The following PRIMA1 variants were observed in gnomAD, a reference collection of about 807,000 sequenced individuals.
PRIMA1 encodes proline rich membrane anchor 1.
In PRIMA1, 7 loss-of-function variants were observed where a neutral mutation model predicts 17.5. The ratio of observed to expected loss-of-function variants is 0.40; its 90% CI spans 0.23 to 0.75. The LOEUF is 0.75. Among genes scored for constraint, PRIMA1 ranks in the 30% least tolerant of loss-of-function variants. The pLI, the probability that PRIMA1 is intolerant of heterozygous loss-of-function variation, is 0.37. For synonymous variants in PRIMA1, 97 were observed against 77.9 expected, an observed-to-expected ratio of 1.25 and a Z score of -1.29; for missense variants, 200 against 201.8, an observed-to-expected ratio of 0.99 and a Z score of 0.05.
intron 4 of PRIMA1, among the ~76,000 whole-genome samples, chr14:93,724,859 G>A (rs2076063991): frequency 6.6e-6 from 1 of 152,158 alleles, no homozygotes; most frequent in Admixed American, 6.5e-5. Context: ...CTTCTAGGGT[G>A]GATAATGAAG....
chr14:93,723,571 A>G (rs1319271674), intron 4 of PRIMA1, among the ~76,000 whole-genome samples: 3 of 152,186 alleles, frequency 2.0e-5, no homozygotes, highest in Non-Finnish European at 4.4e-5. Context: ...ACTTCTGCTA[A>G]GCAAGCCAAG....
chr14:93,731,581 C>T (rs1281821052), intron 4 of PRIMA1, among the ~76,000 whole-genome samples: 1 of 152,216 alleles, frequency 6.6e-6, no homozygotes, highest in Non-Finnish European at 1.5e-5. Flanking sequence ...AAAAGGCATG[C>T]ACAACATGCC....
At chr14:93,747,164 G>A (rs1017819085) in intron 3 of PRIMA1, among the ~76,000 whole-genome samples, 1 of 152,172 alleles carries the variant, frequency 6.6e-6, no homozygotes, top group African/African-American at 2.4e-5. Context: ...ACATGAGGAG[G>A]TGCAGAGGAG....
At chr14:93,727,286 C>T (rs951748324) in intron 4 of PRIMA1, among the ~76,000 whole-genome samples, 13 of 152,172 alleles carry the variant, frequency 8.5e-5, no homozygotes, top group Admixed American at 3.9e-4. Flanking sequence ...AGGGGTCTGC[C>T]GGGGGAGGGG....
intron 3 of PRIMA1, among the ~76,000 whole-genome samples, chr14:93,754,673 T>A (rs2076280225): frequency 6.6e-6 from 1 of 152,200 alleles, no homozygotes; most frequent in South Asian, 2.1e-4. Flanking sequence ...TCTTCCCCTT[T>A]AATTCCTTAC....
Position 93,719,305 on chromosome 14 carries a change from C to G in PRIMA1, c.*2139G>C, listed in dbSNP as rs183022034. 207 of 152,296 alleles carry G rather than the reference C, an allele frequency of 1.4e-3. 1 individual carries two copies. The highest frequency in any genetic ancestry group is 4.8e-3 in the African/African-American group (198 of 41,558). The allele number at this position is 152,296 out of a possible 1,614,324, so 9.4% of individuals were successfully genotyped here. A position where few individuals can be genotyped will look rare whatever the true frequency, so the allele number is the denominator to read the frequency against. On this transcript the variant is annotated 3_prime_UTR_variant, in exon 5 of 5. Coordinates refer to ENST00000393140, the MANE Select transcript of PRIMA1 (RefSeq NM_178013.4). ...TGGAAGATTAGGCTAACTGCAAAAT[C>G]CAGGCCTCCTAGGTTTAAGCCAAGG...
chr14:93,777,982 C>T (rs972574212), intron 3 of PRIMA1, among the ~76,000 whole-genome samples: 1 of 152,168 alleles, frequency 6.6e-6, no homozygotes, highest in Non-Finnish European at 1.5e-5. Context: ...GGAGTGATCT[C>T]CAAGAGTAGG....
In PRIMA1 at chr14:93,721,519, G is replaced by A; in HGVS notation, c.387C>T (p.Gly129=). The A allele has an allele frequency of 2.5e-6, 4 of 1,613,664 alleles. No homozygotes were observed. In the Middle Eastern group the frequency reaches 5.0e-4, roughly 200 times the overall value. ...TCATGGGATACTCAGCAACGCTGGT[G>A]CCATTTTCGTCTTTTCTCAGTGGTT... ...KRKPLRKDEN[G]TSVAEYPMSA... is the part of the protein sequence containing the mutation. Residue 129 remains glycine, a synonymous_variant, in exon 5 of 5, where the codon GGC becomes GGT. Transcript: ENST00000393140.
intron 3 of PRIMA1, among the ~76,000 whole-genome samples, chr14:93,748,668 C>T (rs1468491934): frequency 1.3e-5 from 2 of 152,186 alleles, no homozygotes; most frequent in African/African-American, 2.4e-5. Context: ...TATCTGTAGC[C>T]TGTGCTCTGC....
intron 3 of PRIMA1, among the ~76,000 whole-genome samples, chr14:93,758,984 T>C (rs1286437803): frequency 6.6e-6 from 1 of 152,118 alleles, no homozygotes; most frequent in Admixed American, 6.5e-5. Flanking sequence ...GTAGTAGGTG[T>C]TCAGTAAATG....
At chr14:93,780,543 A>T (rs1321966954) in intron 2 of PRIMA1, among the ~76,000 whole-genome samples, 1 of 152,230 alleles carries the variant, frequency 6.6e-6, no homozygotes, top group Non-Finnish European at 1.5e-5. Flanking sequence ...CGAGAAGGGT[A>T]GCCCGAGTGA....
At chr14:93,743,228 G>T (rs940735805) in intron 3 of PRIMA1, among the ~76,000 whole-genome samples, 1 of 152,216 alleles carries the variant, frequency 6.6e-6, no homozygotes, top group African/African-American at 2.4e-5. Context: ...TGGTTCCGGA[G>T]CACAGCCTGA....
intron 4 of PRIMA1, among the ~76,000 whole-genome samples, chr14:93,729,958 G>C (rs2141154921): frequency 1.3e-5 from 2 of 152,232 alleles, no homozygotes; most frequent in South Asian, 4.2e-4. Flanking sequence ...CTGGTGAAGG[G>C]GTGAGGCCCA....
At chr14:93,778,850 A>G (rs1317304730) in intron 3 of PRIMA1, among the ~76,000 whole-genome samples, 1 of 152,046 alleles carries the variant, frequency 6.6e-6, no homozygotes, top group Non-Finnish European at 1.5e-5. Flanking sequence ...GTGTTGGGGG[A>G]GGGGGGCTAT....
chr14:93,772,066 T>C, intron 3 of PRIMA1, among the ~76,000 whole-genome samples: 1 of 152,244 alleles, frequency 6.6e-6, no homozygotes. Context: ...TTAAATGAGA[T>C]GAGGAGAGCA....
At chr14:93,751,657 G>A (rs1193497026) in intron 3 of PRIMA1, among the ~76,000 whole-genome samples, 1 of 152,212 alleles carries the variant, frequency 6.6e-6, no homozygotes, top group Non-Finnish European at 1.5e-5. Context: ...AAAGGGTCCT[G>A]TAGGGTTAAG....
chr14:93,773,746 G>A (rs1326028842), intron 3 of PRIMA1, among the ~76,000 whole-genome samples: 1 of 152,208 alleles, frequency 6.6e-6, no homozygotes, highest in Non-Finnish European at 1.5e-5. Context: ...AGGAATAGGA[G>A]GCCAAGCTGC....
rs2141146007 is a variant in PRIMA1, at chr14:93,720,515, G to C, written c.*929C>G. 1 of 152,940 alleles carries C rather than the reference G, an allele frequency of 6.5e-6. No individual in the cohort carries two copies. The highest frequency in any genetic ancestry group is 2.4e-5 in the African/African-American group (1 of 41,590). The allele number at this position is 152,940 out of a possible 1,614,324, so 9.5% of individuals were successfully genotyped here. A position where few individuals can be genotyped will look rare whatever the true frequency, so the allele number is the denominator to read the frequency against. On this transcript the variant is annotated 3_prime_UTR_variant, in exon 5 of 5. Coordinates refer to ENST00000393140, the MANE Select transcript of PRIMA1 (RefSeq NM_178013.4). ...CAACAGTCAGGCCTCAGGGGACTGT[G>C]GGGGACATCCAGCGCCTGGCCAGCA...
At chr14:93,782,306 A>G (rs896704883) in intron 2 of PRIMA1, among the ~76,000 whole-genome samples, 7 of 151,732 alleles carry the variant, frequency 4.6e-5, no homozygotes, top group Admixed American at 2.0e-4. Flanking sequence ...ATACATACAT[A>G]CATAAATACA....
Sources: allele counts gnomAD v4.1 joint callset (sites outside exome capture counted in the v4.1 genomes callset), GRCh38; gene constraint gnomAD v4.1.1; transcripts MANE v1.5; gene names NCBI Gene and HGNC (gene_info 2026-07-23, HGNC 2026-07-21).